CBLN2: variants seen among roughly 807,000 people sequenced by gnomAD.
The protein encoded by CBLN2 is cerebellin-2.
Under a neutral mutation model 15.0 loss-of-function variants are expected in CBLN2, and 7 were observed. The ratio of observed to expected loss-of-function variants is 0.47; its 90% CI spans 0.27 to 0.88. The LOEUF (loss-of-function observed/expected upper bound fraction) is 0.88, where lower values mean the gene tolerates loss of function less well. Ranked by LOEUF, CBLN2 falls within the 40% of genes least tolerant of loss-of-function variation. The pLI, the probability that CBLN2 is intolerant of heterozygous loss-of-function variation, is 0.14. For missense variants in CBLN2, 242 were observed against 304.5 expected (o/e 0.79, Z 1.53); for synonymous variants, 149 against 135.2 (o/e 1.10, Z -0.71).
chr18:72,595,111 A>G (rs775030126), intron 1 of CBLN2, among the ~76,000 whole-genome samples: 1 of 151,114 alleles, frequency 6.6e-6, no homozygotes. Context: ...ATTCTTTAAG[A>G]TGCATAATTA....
At chr18:72,597,709 T>C (rs1014549400) in intron 1 of CBLN2, among the ~76,000 whole-genome samples, 24 of 152,232 alleles carry the variant, frequency 1.6e-4, no homozygotes, top group African/African-American at 5.8e-4. Context: ...CTTTGGGATC[T>C]ACCTGGTGTT....
At chr18:72,618,724 G>A in intron 1 of CBLN2, 1 of 719,842 alleles carries the variant, frequency 1.4e-6, no homozygotes. Flanking sequence ...CATAATCTTT[G>A]ATGACCATGA....
chr18:72,548,136 T>C (rs1222425024), upstream of CBLN2, among the ~76,000 whole-genome samples: 1 of 152,082 alleles, frequency 6.6e-6, no homozygotes, highest in East Asian at 1.9e-4. Context: ...GGCAGCAGAG[T>C]TGAGAGGACT....
At chr18:72,625,739 C>G (rs28525040) in intron 1 of CBLN2, among the ~76,000 whole-genome samples, 6 of 100,222 alleles carry the variant, frequency 6.0e-5, no homozygotes, top group Admixed American at 5.7e-4. Context: ...CACTCTTGTC[C>G]GTTAGACCAA....
At chr18:72,586,366 A>G (rs1055148371) in intron 1 of CBLN2, among the ~76,000 whole-genome samples, 1 of 152,158 alleles carries the variant, frequency 6.6e-6, no homozygotes, top group Non-Finnish European at 1.5e-5. Context: ...TATAAGTTCT[A>G]TACACTAAAG....
At chr18:72,586,947 G>GATAT (rs751957062) in intron 1 of CBLN2, among the ~76,000 whole-genome samples, 15 of 150,534 alleles carry the variant, frequency 1.0e-4, no homozygotes, top group Non-Finnish European at 4.4e-5. Flanking sequence ...CTATAACTAT[G>GATAT]ATATATATAT....
chr18:72,633,786 T>C (rs2069793164), intron 1 of CBLN2, among the ~76,000 whole-genome samples: 1 of 152,186 alleles, frequency 6.6e-6, no homozygotes, highest in South Asian at 2.1e-4. Flanking sequence ...TTTATAAACA[T>C]GCATCTGACC....
At chr18:72,625,555 C>T (rs1255178440) in intron 1 of CBLN2, among the ~76,000 whole-genome samples, 1 of 150,938 alleles carries the variant, frequency 6.6e-6, no homozygotes, top group Non-Finnish European at 1.5e-5. Context: ...GCATGATACA[C>T]CATAGCAACT....
At chr18:72,545,938 T>G (rs112421968), upstream of CBLN2, among the ~76,000 whole-genome samples, 7 of 152,330 alleles carry the variant, frequency 4.6e-5, 1 homozygote, top group African/African-American at 1.7e-4. Context: ...AACATAAATG[T>G]TTAGATTATA....
chr18:72,585,285 A>G (rs916967309), intron 1 of CBLN2, among the ~76,000 whole-genome samples: 1 of 152,162 alleles, frequency 6.6e-6, no homozygotes, highest in Non-Finnish European at 1.5e-5. Context: ...TTAGTCCCAC[A>G]ATTTGGCAGG....
intron 1 of CBLN2, among the ~76,000 whole-genome samples, chr18:72,591,001 C>T (rs996520163): frequency 3.9e-4 from 59 of 152,320 alleles, no homozygotes; most frequent in African/African-American, 1.4e-3. Context: ...TAAAGGGCTG[C>T]TGCTATATTT....
At chr18:72,610,286 A>G (rs2069613628) in intron 1 of CBLN2, among the ~76,000 whole-genome samples, 1 of 152,136 alleles carries the variant, frequency 6.6e-6, no homozygotes, top group South Asian at 2.1e-4. Flanking sequence ...GCATGTGTGC[A>G]GTGCTGTTCT....
chr18:72,618,807 G>C, intron 1 of CBLN2: 1 of 740,358 alleles, frequency 1.4e-6, no homozygotes, highest in Non-Finnish European at 2.4e-6. Flanking sequence ...GGAAAGCCCT[G>C]TCAAAGCAAG....
intron 1 of CBLN2, among the ~76,000 whole-genome samples, chr18:72,601,464 C>A (rs771213257): frequency 6.6e-6 from 1 of 152,090 alleles, no homozygotes; most frequent in Non-Finnish European, 1.5e-5. Context: ...GAAATAGATT[C>A]CCCTTACACA....
chr18:72,560,191 G>A (rs2069251143), intron 1 of CBLN2, among the ~76,000 whole-genome samples: 1 of 152,184 alleles, frequency 6.6e-6, no homozygotes, highest in Non-Finnish European at 1.5e-5. Flanking sequence ...TGCCCCTTGT[G>A]GGTCTAAAGA....
intron 1 of CBLN2, among the ~76,000 whole-genome samples, chr18:72,568,912 T>C (rs539914937): frequency 9.5e-4 from 145 of 152,184 alleles, no homozygotes; most frequent in Middle Eastern, 3.4e-3. Flanking sequence ...TCAGGAAGAG[T>C]GAAAAAAAAT....
intron 1 of CBLN2, among the ~76,000 whole-genome samples, chr18:72,563,909 T>A (rs2069277468): frequency 6.6e-6 from 1 of 152,222 alleles, no homozygotes; most frequent in Non-Finnish European, 1.5e-5. Flanking sequence ...AGTAGGCTAC[T>A]GAGGCACTCA....
intron 3 of CBLN2, among the ~76,000 whole-genome samples, chr18:72,540,945 A>T (rs2069104413): frequency 6.6e-6 from 1 of 152,210 alleles, no homozygotes; most frequent in Non-Finnish European, 1.5e-5. Flanking sequence ...AACCTCTATA[A>T]TGTTTTTAAT....
At chr18:72,587,466 C>T (rs1365223410) in intron 1 of CBLN2, among the ~76,000 whole-genome samples, 1 of 151,522 alleles carries the variant, frequency 6.6e-6, no homozygotes, top group East Asian at 1.9e-4. Flanking sequence ...TATAATCTCC[C>T]CAAAAAGTGA....
Sources: gnomAD v4.1 joint callset for allele counts (sites outside exome capture counted in the v4.1 genomes callset) on GRCh38, gnomAD v4.1.1 for gene constraint, MANE v1.5 for transcripts, NCBI Gene and HGNC (gene_info 2026-07-23, HGNC 2026-07-21) for gene names.